FCGR2B: variants seen among roughly 807,000 people sequenced by gnomAD.
FCGR2B encodes Fc gamma receptor IIb, also known as low affinity immunoglobulin gamma Fc region receptor II-b.
A neutral mutation model predicts 24.8 loss-of-function variants in FCGR2B; 18 were observed. That is an observed-to-expected ratio of 0.73 (90% CI 0.50 to 1.08). The LOEUF (loss-of-function observed/expected upper bound fraction) is 1.08. Ranked by LOEUF, FCGR2B falls within the 50% of genes least tolerant of loss-of-function variation. The pLI is 0.00. For missense variants in FCGR2B, 215 were observed against 297.6 expected, an observed-to-expected ratio of 0.72 and a Z score of 2.04; for synonymous variants, 79 against 109.8, an observed-to-expected ratio of 0.72 and a Z score of 1.75.
At chr1:161,673,557 T>C (rs1241237147) in intron 4 of FCGR2B, 2 of 714,152 alleles carry the variant, frequency 2.8e-6, no homozygotes, top group East Asian at 5.5e-5. Context: ...AGGTTTGCCT[T>C]TATTCTTCTC....
the FCGR2B span, among the ~76,000 whole-genome samples, chr1:161,647,303 T>C: frequency 1.7e-5 from 2 of 120,324 alleles, no homozygotes; most frequent in Non-Finnish European, 2.0e-5. Flanking sequence ...GACTCTTTTT[T>C]TTTTTTTTTT....
chr1:161,651,941 GAAATAA>G, the FCGR2B span, among the ~76,000 whole-genome samples: 1 of 105,286 alleles, frequency 9.5e-6, no homozygotes, highest in African/African-American at 3.0e-5. Context: ...CTCAAAAACT[GAAATAA>G]AATAAAATAA....
rs753861162 is a variant in FCGR2B at position 161,671,403 on chromosome 1, A to C, written c.145A>C (p.Lys49Gln). 6.2e-7 allele frequency: 1 copy of C among 1,613,902 alleles called. No homozygotes were observed. The highest frequency in any genetic ancestry group is 1.3e-5 in the African/African-American group (1 of 74,844). ...TCTCTGCCCCTCAGCAGCTCCCCCA[A>C]AGGCTGTGCTGAAACTCGAGCCCCA... ...PVAGTPAAPPKAVLKLEPQWI... is the reference protein window; with the variant it reads ...PVAGTPAAPPQAVLKLEPQWI... The change falls in exon 3 of 8, where the codon AAG (lysine) becomes CAG (glutamine). Residue 49 changes from lysine to glutamine, a missense_variant. Coordinates refer to ENST00000358671, the MANE Select transcript of FCGR2B (RefSeq NM_001394477.1).
At chr1:161,677,223 T>G (rs1682223367) in intron 6 of FCGR2B, 105 bp from the exon 7 acceptor site, 2 of 1,101,050 alleles carry the variant, frequency 1.8e-6, no homozygotes, top group Non-Finnish European at 2.8e-6. Flanking sequence ...CAGCAGTGCT[T>G]GCTTTGGCTC....
At chr1:161,662,285 A>AC (rs1352147314), upstream of FCGR2B, among the ~76,000 whole-genome samples, 1 of 83,798 alleles carries the variant, frequency 1.2e-5, no homozygotes, top group Non-Finnish European at 2.2e-5. Context: ...GTGCTGCGGA[A>AC]CATCCTACAA....
chr1:161,647,501 A>T, the FCGR2B span, among the ~76,000 whole-genome samples: 1 of 150,218 alleles, frequency 6.7e-6, no homozygotes, highest in Non-Finnish European at 1.5e-5. Flanking sequence ...GGGTTTTGCC[A>T]TGTTGGCCAG....
chr1:161,649,254 G>A, the FCGR2B span, among the ~76,000 whole-genome samples: 1 of 150,378 alleles, frequency 6.6e-6, no homozygotes, highest in African/African-American at 2.5e-5. Context: ...GAAGTGTTAT[G>A]AAACTCCTCT....
At chr1:161,653,392 C>A in the FCGR2B span, among the ~76,000 whole-genome samples, 3 of 128,560 alleles carry the variant, frequency 2.3e-5, no homozygotes, top group East Asian at 2.0e-4. Context: ...GGTGACAGAG[C>A]AAGACTCCAT....
chr1:161,677,087 G>T, intron 6 of FCGR2B: 1 of 527,410 alleles, frequency 1.9e-6, no homozygotes, highest in Non-Finnish European at 3.3e-6. Context: ...TGAAAAGAAT[G>T]CAGCTCAAGT....
Position 161,677,866 on chromosome 1 carries a change from C to T in FCGR2B, c.*313C>T, listed in dbSNP as rs1439328583. 1.2e-5 allele frequency: 4 copies of T among 338,952 alleles called. No individual in the cohort carries two copies. The highest frequency in any genetic ancestry group is 2.1e-5 in the Non-Finnish European group (4 of 188,482). 21.0% of individuals were successfully genotyped at this position (338,952 alleles called of 1,614,324 possible). ...ACAGATAATAGCAACTTGGGAAATG[C>T]TTATGTTACAGGTTACGTGAGAACA... On this transcript the variant is annotated 3_prime_UTR_variant, in exon 8 of 8. Transcript: ENST00000358671.
the FCGR2B span, among the ~76,000 whole-genome samples, chr1:161,648,549 C>T: frequency 6.6e-6 from 1 of 150,938 alleles, no homozygotes; most frequent in South Asian, 2.1e-4. Flanking sequence ...GGCTTTTGCA[C>T]ACTTACGAAT....
At chr1:161,648,556 G>A in the FCGR2B span, among the ~76,000 whole-genome samples, 14,407 of 150,766 alleles carry the variant, frequency 0.096, 1,215 homozygotes, top group Middle Eastern at 0.14. Context: ...GCACACTTAC[G>A]AATTAGCTTA....
chr1:161,676,188 A>G (rs1254945096), intron 6 of FCGR2B: 1 of 226,256 alleles, frequency 4.4e-6, no homozygotes, highest in South Asian at 1.8e-4. Context: ...GGCTTCCATG[A>G]CAGTAAGAAC....
At chr1:161,658,812 G>A (rs1680887288), upstream of FCGR2B, among the ~76,000 whole-genome samples, 1 of 150,674 alleles carries the variant, frequency 6.6e-6, no homozygotes. Context: ...AAGAGGAAGA[G>A]AAACAAAATT....
chr1:161,648,525 ATGTTTC>A, the FCGR2B span, among the ~76,000 whole-genome samples: 5 of 150,418 alleles, frequency 3.3e-5, no homozygotes, highest in African/African-American at 1.2e-4. Flanking sequence ...CTTTTTTATG[ATGTTTC>A]TGTTTAAGGC....
the FCGR2B span, among the ~76,000 whole-genome samples, chr1:161,647,929 G>C: frequency 6.6e-5 from 10 of 150,992 alleles, 1 homozygote; most frequent in Non-Finnish European, 1.5e-4. Flanking sequence ...TCAGCGACTC[G>C]TAGACGACCC....
Position 161,671,281 on chromosome 1 carries a change from G to C in FCGR2B, c.134-111G>C, listed in dbSNP as rs57887961. The C allele has an allele frequency of 1.9e-6, 3 of 1,555,776 alleles. No individual in the cohort carries two copies. The Admixed American group carries it at 5.7e-5, about 29-fold the overall frequency. On this transcript the variant is annotated intron_variant, in intron 2 of 7. Transcript: ENST00000358671. The stretch of plus-strand genomic sequence containing the variant: ...TGCAGAACCATTCTGGGCCTGGCTC[G>C]GCTTTTGGTGCCCCTAGTAGGCCTA...
Position 161,669,442 on chromosome 1 carries a change from G to A in FCGR2B, c.113-810G>A, listed in dbSNP as rs1356892203. Among the ~76,000 whole-genome samples the A allele has an allele frequency of 3.2e-4, 44 of 138,618 alleles. 1 individual carries two copies. Among genetic ancestry groups the A allele is most frequent in the African/African-American group, 9.7e-4 (39 of 40,042 alleles). 90.9% of individuals were successfully genotyped at this position (138,618 alleles called of 152,430 possible). A position where few individuals can be genotyped will look rare whatever the true frequency, so the allele number is the denominator to read the frequency against. ...AAAACTTAGCTGGGTGTGGTGGCGC[G>A]GGCCTGTAATCCCAGCTCTTGGGAG... On this transcript the variant is annotated intron_variant, in intron 1 of 7. Transcript: ENST00000358671.
chr1:161,671,946 C>T, intron 3 of FCGR2B: 1 of 520,086 alleles, frequency 1.9e-6, no homozygotes, highest in Non-Finnish European at 3.4e-6. Flanking sequence ...GAATCCTAGC[C>T]CTGGAAATGA....
Sources: gnomAD v4.1 joint callset for allele counts (sites outside exome capture counted in the v4.1 genomes callset) on GRCh38, gnomAD v4.1.1 for gene constraint, MANE v1.5 for transcripts, NCBI Gene and HGNC (gene_info 2026-07-23, HGNC 2026-07-21) for gene names.